ARB2A: variants seen among roughly 807,000 people sequenced by gnomAD.
ARB2A encodes the protein ARB2 cotranscriptional regulator A.
chr5:93,805,766 T>C, the ARB2A span: 6 of 985,180 alleles, frequency 6.1e-6, no homozygotes, highest in Admixed American at 1.2e-4. Context: ...TCATGGTCAC[T>C]TGCATTTGGG....
At chr5:94,065,027 A>G in the ARB2A span, among the ~76,000 whole-genome samples, 2 of 152,258 alleles carry the variant, frequency 1.3e-5, no homozygotes, top group Non-Finnish European at 2.9e-5. Flanking sequence ...TATTAATGCA[A>G]TAAGAATCAA....
chr5:93,850,536 C>T, the ARB2A span, among the ~76,000 whole-genome samples: 1 of 152,250 alleles, frequency 6.6e-6, no homozygotes, highest in East Asian at 1.9e-4. Context: ...GAAGCTTGCT[C>T]CTGCTGATTA....
At chr5:94,081,015 T>C in the ARB2A span, among the ~76,000 whole-genome samples, 2 of 152,140 alleles carry the variant, frequency 1.3e-5, no homozygotes, top group Admixed American at 6.6e-5. Context: ...TAAAAAAATT[T>C]TAAAGTGGGC....
At chr5:94,045,461 TTTATCAAATACTTTTAAATCACAAACAC>T in the ARB2A span, among the ~76,000 whole-genome samples, 1 of 152,170 alleles carries the variant, frequency 6.6e-6, no homozygotes, top group African/African-American at 2.4e-5. Flanking sequence ...ATAGTCTATT[TTTATCAAATACTTTTAAATCACAAACAC>T]TTTAATAGTA....
the ARB2A span, among the ~76,000 whole-genome samples, chr5:93,680,793 G>A: frequency 1.3e-5 from 2 of 152,042 alleles, no homozygotes; most frequent in African/African-American, 4.8e-5. Context: ...GGTAACATTC[G>A]GTTTCTGATT....
the ARB2A span, among the ~76,000 whole-genome samples, chr5:93,803,070 G>A: frequency 6.6e-6 from 1 of 151,980 alleles, no homozygotes; most frequent in Non-Finnish European, 1.5e-5. Context: ...AATGGAAATG[G>A]AGTATTATAC....
At chr5:93,620,960 C>A in the ARB2A span, 1 of 1,597,792 alleles carries the variant, frequency 6.3e-7, no homozygotes, top group Admixed American at 1.7e-5. Context: ...TGCGCCAGGG[C>A]GGCCTCCCCC....
the ARB2A span, among the ~76,000 whole-genome samples, chr5:93,936,971 C>T: frequency 3.5e-5 from 5 of 141,720 alleles, no homozygotes; most frequent in Admixed American, 1.4e-4. Context: ...GACGGAGTCT[C>T]GCTCTGTCAC....
chr5:93,985,898 G>A, the ARB2A span, among the ~76,000 whole-genome samples: 1 of 149,690 alleles, frequency 6.7e-6, no homozygotes, highest in South Asian at 2.1e-4. Context: ...TCTGGGATAT[G>A]AGGAGCCCCT....
the ARB2A span, among the ~76,000 whole-genome samples, chr5:94,083,916 T>A: frequency 1.3e-5 from 2 of 151,820 alleles, no homozygotes; most frequent in Non-Finnish European, 2.9e-5. Flanking sequence ...TTTAAAAAAA[T>A]TGTATTTACA....
chr5:93,805,348 G>A, the ARB2A span: 1 of 984,998 alleles, frequency 1.0e-6, no homozygotes, highest in African/African-American at 1.7e-5. Context: ...CACTGAACAA[G>A]TTTTTACCAG....
At chr5:93,813,781 T>C in the ARB2A span, among the ~76,000 whole-genome samples, 2 of 152,168 alleles carry the variant, frequency 1.3e-5, no homozygotes, top group Non-Finnish European at 2.9e-5. Context: ...ACATACTCTA[T>C]AATATTTTTG....
chr5:94,034,355 C>T, the ARB2A span, among the ~76,000 whole-genome samples: 1 of 152,108 alleles, frequency 6.6e-6, no homozygotes, highest in Non-Finnish European at 1.5e-5. Flanking sequence ...ATCTACCACA[C>T]AGGGCAAAAG....
chr5:93,844,518 A>C, the ARB2A span, among the ~76,000 whole-genome samples: 2 of 152,204 alleles, frequency 1.3e-5, no homozygotes, highest in Non-Finnish European at 2.9e-5. Context: ...ATAAAATATA[A>C]ATGTAACATA....
the ARB2A span, among the ~76,000 whole-genome samples, chr5:93,927,300 T>G: frequency 6.6e-6 from 1 of 152,270 alleles, no homozygotes; most frequent in Non-Finnish European, 1.5e-5. Flanking sequence ...AGACTGTAGC[T>G]TCACTGTTTT....
chr5:93,856,039 C>G, the ARB2A span, among the ~76,000 whole-genome samples: 1 of 151,848 alleles, frequency 6.6e-6, no homozygotes, highest in Non-Finnish European at 1.5e-5. Context: ...GAAATTCAAA[C>G]CAAAGACAAA....
chr5:93,903,446 T>C, the ARB2A span, among the ~76,000 whole-genome samples: 2 of 152,170 alleles, frequency 1.3e-5, no homozygotes, highest in Middle Eastern at 3.4e-3. Context: ...GTCATATACA[T>C]GTAAAAACAC....
At chr5:94,109,917 A>G in the ARB2A span, among the ~76,000 whole-genome samples, 1 of 124,052 alleles carries the variant, frequency 8.1e-6, no homozygotes, top group Admixed American at 1.1e-4. Context: ...CGGAGTCTCG[A>G]TCTGTCACCC....
the ARB2A span, among the ~76,000 whole-genome samples, chr5:94,057,551 T>C: frequency 6.6e-6 from 1 of 152,226 alleles, no homozygotes; most frequent in East Asian, 1.9e-4. Flanking sequence ...TTACATTATG[T>C]CTATTTCATC....
Sources: gnomAD v4.1 joint callset for allele counts (sites outside exome capture counted in the v4.1 genomes callset) on GRCh38, gnomAD v4.1.1 for gene constraint, MANE v1.5 for transcripts, NCBI Gene and HGNC (gene_info 2026-07-23, HGNC 2026-07-21) for gene names.